GPM6A: variants seen among roughly 807,000 people sequenced by gnomAD.
The protein encoded by GPM6A is neuronal membrane glycoprotein M6-a.
Under a neutral mutation model 32.1 loss-of-function variants are expected in GPM6A, and 7 were observed. The observed-to-expected ratio is 0.22, with a 90% CI of 0.12 to 0.41. GPM6A has a LOEUF of 0.41. Among genes scored for constraint, GPM6A ranks in the 10% least tolerant of loss-of-function variants. GPM6A has a pLI of 1.00. For missense variants in GPM6A, 235 were observed against 347.2 expected (o/e 0.68, Z 2.57); for synonymous variants, 130 against 123.4 (o/e 1.05, Z -0.35).
At chr4:175,811,263 A>G (rs1284508592) in intron 1 of GPM6A, among the ~76,000 whole-genome samples, 2 of 152,162 alleles carry the variant, frequency 1.3e-5, no homozygotes. Flanking sequence ...CTTTTTCAAC[A>G]CTACTCTTGA....
intron 2 of GPM6A, among the ~76,000 whole-genome samples, chr4:175,680,928 TAG>T (rs1234714002): frequency 6.6e-6 from 1 of 152,232 alleles, no homozygotes; most frequent in African/African-American, 2.4e-5. Flanking sequence ...TACAAATTCA[TAG>T]AGATTGTTCT....
In GPM6A at chr4:175,747,185, G is replaced by A. The variant is rs1018187368; in HGVS notation, c.38-45418C>T. Among the ~76,000 whole-genome samples, 8 of 149,198 alleles carry A rather than the reference G, an allele frequency of 5.4e-5. No homozygotes were observed. In the East Asian group the frequency reaches 1.4e-3, roughly 26 times the overall value. ...CTTGGGAGGCTGAGGCAGGAGAATC[G>A]CTTGAACCGAGGTGGCAGAAGTTGC... On this transcript the variant is annotated intron_variant, in intron 1 of 6. Coordinates refer to ENST00000393658, the MANE Select transcript of GPM6A (RefSeq NM_201591.3).
At chr4:175,936,695 A>C (rs902951529) in intron 1 of GPM6A, among the ~76,000 whole-genome samples, 2 of 152,124 alleles carry the variant, frequency 1.3e-5, no homozygotes, top group African/African-American at 4.8e-5. Context: ...TTAAAAATTG[A>C]AGAAAAAAAA....
At chr4:175,725,769 T>C (rs1040305021) in intron 1 of GPM6A, among the ~76,000 whole-genome samples, 1 of 152,160 alleles carries the variant, frequency 6.6e-6, no homozygotes, top group African/African-American at 2.4e-5. Context: ...GATAGTCCAA[T>C]GTCTTGAATC....
chr4:175,776,790 G>A (rs1324645904), intron 1 of GPM6A, among the ~76,000 whole-genome samples: 2 of 152,012 alleles, frequency 1.3e-5, no homozygotes, highest in African/African-American at 2.4e-5. Flanking sequence ...TATATACAAA[G>A]GAAGAGGTAT....
At chr4:175,758,684 T>C (rs1247354711) in intron 1 of GPM6A, among the ~76,000 whole-genome samples, 3 of 152,156 alleles carry the variant, frequency 2.0e-5, no homozygotes, top group African/African-American at 7.2e-5. Flanking sequence ...TCCAAGATTG[T>C]TCCTGGGGTT....
chr4:175,920,852 A>C (rs1476876126), intron 1 of GPM6A, among the ~76,000 whole-genome samples: 2 of 151,216 alleles, frequency 1.3e-5, no homozygotes, highest in Non-Finnish European at 2.9e-5. Context: ...AAAAAAAAAA[A>C]AATGCTTTGA....
intron 1 of GPM6A, among the ~76,000 whole-genome samples, chr4:175,941,124 A>G (rs1441813716): frequency 6.6e-6 from 1 of 152,184 alleles, no homozygotes; most frequent in Non-Finnish European, 1.5e-5. Flanking sequence ...GGGAATTTTA[A>G]TGTTTATTTT....
In GPM6A at chr4:175,726,221, G is replaced by A. The variant is rs868500303; in HGVS notation, c.38-24454C>T. On this transcript the variant is annotated intron_variant, in intron 1 of 6. Coordinates refer to ENST00000393658, the MANE Select transcript of GPM6A (RefSeq NM_201591.3). ...TCACCGTGTTGGCCAGAATGGTCTCGATCTCCTGACCTCGTGATCTGCCCT... is the reference window on the plus strand; with the variant it reads ...TCACCGTGTTGGCCAGAATGGTCTCAATCTCCTGACCTCGTGATCTGCCCT... Among the ~76,000 whole-genome samples the A allele has an allele frequency of 9.9e-5, 15 of 151,522 alleles. No homozygotes were observed. In the South Asian group the frequency reaches 1.3e-3, roughly 13 times the overall value.
intron 1 of GPM6A, among the ~76,000 whole-genome samples, chr4:175,930,185 G>A (rs1210883715): frequency 6.6e-6 from 1 of 151,956 alleles, no homozygotes; most frequent in Admixed American, 6.6e-5. Flanking sequence ...CTCAAACAAG[G>A]CATCTTCTTT....
intron 1 of GPM6A, among the ~76,000 whole-genome samples, chr4:175,704,215 G>T (rs1745035814): frequency 6.6e-6 from 1 of 151,976 alleles, no homozygotes; most frequent in South Asian, 2.1e-4. Flanking sequence ...CCCAGAGGAG[G>T]TTAAAAAAAG....
chr4:175,825,907 C>T (rs181066599), intron 1 of GPM6A, among the ~76,000 whole-genome samples: 8 of 152,142 alleles, frequency 5.3e-5, no homozygotes, highest in African/African-American at 1.2e-4. Context: ...TGGCTGGGTG[C>T]GGTGGCTCAC....
At chr4:175,741,164 A>G (rs1382367285) in intron 1 of GPM6A, among the ~76,000 whole-genome samples, 1 of 152,088 alleles carries the variant, frequency 6.6e-6, no homozygotes, top group Non-Finnish European at 1.5e-5. Context: ...GTAAAAGCTG[A>G]TAGGGCTCAA....
intron 1 of GPM6A, among the ~76,000 whole-genome samples, chr4:175,961,513 G>C (rs1460442832): frequency 6.6e-6 from 1 of 152,164 alleles, no homozygotes; most frequent in African/African-American, 2.4e-5. Flanking sequence ...CTAGTACTGG[G>C]ATTGAAATCT....
intron 2 of GPM6A, among the ~76,000 whole-genome samples, chr4:175,683,728 C>A (rs184707761): frequency 2.6e-5 from 4 of 152,138 alleles, no homozygotes; most frequent in Admixed American, 2.6e-4. Flanking sequence ...TCCCTCTTTG[C>A]CTCCCACTAT....
chr4:175,914,727 A>T (rs974596271), intron 1 of GPM6A, among the ~76,000 whole-genome samples: 6 of 148,486 alleles, frequency 4.0e-5, no homozygotes, highest in Non-Finnish European at 7.5e-5. Context: ...GTTAGTTTAC[A>T]TTGTCAGAGC....
intron 1 of GPM6A, among the ~76,000 whole-genome samples, chr4:175,847,592 A>G (rs7673922): frequency 0.41 from 61,497 of 151,820 alleles, 13,278 homozygotes; most frequent in African/African-American, 0.57. Context: ...CTTAATAATG[A>G]CCCAAAGCAC....
chr4:175,900,000 C>T lies in GPM6A; in HGVS notation c.-22-87751G>A, dbSNP rs1737907735. Reference sequence around the variant, plus strand: ...CACAGGATTAATAACCAGAATATGGCCAGGCACAGTGACTCACACCTGTAA... The same window carrying T: ...CACAGGATTAATAACCAGAATATGGTCAGGCACAGTGACTCACACCTGTAA... On this transcript the variant is annotated intron_variant, in intron 1 of 7. Transcript: ENST00000280187. Among the ~76,000 whole-genome samples the T allele has an allele frequency of 2.0e-5, 3 of 151,998 alleles. 1 individual carries two copies. The South Asian group carries it at 6.2e-4, about 32-fold the overall frequency.
intron 1 of GPM6A, among the ~76,000 whole-genome samples, chr4:175,992,526 G>C (rs1440750367): frequency 4.6e-5 from 7 of 152,262 alleles, no homozygotes; most frequent in East Asian, 1.9e-4. Context: ...TTGATTGATT[G>C]ACTAGTTTAT....
Sources: allele counts gnomAD v4.1 joint callset (sites outside exome capture counted in the v4.1 genomes callset), GRCh38; gene constraint gnomAD v4.1.1; transcripts MANE v1.5; gene names NCBI Gene and HGNC (gene_info 2026-07-23, HGNC 2026-07-21).